Variants in ZNF311 observed in about 807,000 individuals in gnomAD.
ZNF311 encodes zinc finger protein 311.
ZNF311 carries 14 observed loss-of-function variants against 22.7 expected under a neutral mutation model. The ratio of observed to expected loss-of-function variants is 0.62; its 90% CI spans 0.41 to 0.96. The LOEUF (loss-of-function observed/expected upper bound fraction) is 0.96, where lower values mean the gene tolerates loss of function less well. Among genes scored for constraint, ZNF311 ranks in the 40% least tolerant of loss-of-function variants. The pLI, the probability that ZNF311 is intolerant of heterozygous loss-of-function variation, is 0.00. For missense variants in ZNF311, 731 were observed against 799.0 expected (o/e 0.91, Z 1.03); for synonymous variants, 250 against 275.3 (o/e 0.91, Z 0.91).
At chr6:29,001,056 A>G (rs1262633936) in intron 3 of ZNF311, among the ~76,000 whole-genome samples, 3 of 152,202 alleles carry the variant, frequency 2.0e-5, no homozygotes, top group South Asian at 2.1e-4. Context: ...GATTACAGGC[A>G]TGAGCCACCA....
chr6:29,002,744 C>T (rs530494787), intron 3 of ZNF311, among the ~76,000 whole-genome samples: 1 of 152,106 alleles, frequency 6.6e-6, no homozygotes, highest in Non-Finnish European at 1.5e-5. Flanking sequence ...CCTCAGCCTC[C>T]TGAGTAACTG....
chr6:29,003,734 G>C (rs1780775293), intron 2 of ZNF311, 140 bp from the exon 3 acceptor site: 1 of 1,397,200 alleles, frequency 7.2e-7, no homozygotes, highest in African/African-American at 1.4e-5. Context: ...AATGGACTCA[G>C]TTCCTAATAC....
At position 29,000,057 on chromosome 6, in the gene ZNF311, G is replaced by C. The variant is rs541873454; in HGVS notation, c.92-10C>G. 1.9e-6 allele frequency: 3 copies of C among 1,611,322 alleles called. No individual in the cohort carries two copies. The highest frequency in any genetic ancestry group is 2.2e-5 in the East Asian group (1 of 44,872). On this transcript the variant is annotated splice_polypyrimidine_tract_variant and intron_variant, in intron 3 of 6. Coordinates refer to ENST00000377179, the MANE Select transcript of ZNF311 (RefSeq NM_001382360.1). The stretch of plus-strand genomic sequence containing the variant: ...GGAGCAGGTAATAGAGCTGAGGGAA[G>C]ATAAGTAAGCCAAGAGTCAATATAG...
intron 3 of ZNF311, among the ~76,000 whole-genome samples, chr6:29,001,592 A>G (rs1032227210): frequency 6.6e-6 from 1 of 152,236 alleles, no homozygotes; most frequent in East Asian, 1.9e-4. Context: ...TCTTTTCCTT[A>G]TAACATTAAC....
Position 28,995,093 on chromosome 6 carries a change from A to G in ZNF311, c.1909T>C (p.Trp637Arg), listed in dbSNP as rs1469618442. Residue 637 changes from tryptophan (W) to arginine (R), a missense_variant, in exon 7 of 7, where the codon TGG becomes CGG. Trp to Arg is a moderately radical substitution (Grantham distance 101). Transcript: ENST00000377179. This position sits in a 1 kb window ranked among gnomAD's most constrained non-coding sequence, Gnocchi z 4.7. ...TGHKKRKHQV[W>R]STHELDGSRK... is the part of the protein sequence containing the mutation. ...CTCCCATCAAGTTCATGGGTACTCCATACTTGATGTTTTCTTTTCTTATGT... is the reference window on the plus strand; with the variant it reads ...CTCCCATCAAGTTCATGGGTACTCCGTACTTGATGTTTTCTTTTCTTATGT... 1 of 1,613,844 alleles carries G rather than the reference A, an allele frequency of 6.2e-7. No homozygotes were observed. The highest frequency in any genetic ancestry group is 8.5e-7 in the Non-Finnish European group (1 of 1,180,052).
At chr6:29,003,647 C>A (rs1375927590) in intron 2 of ZNF311, 53 bp from the exon 3 acceptor site, 2 of 1,590,396 alleles carry the variant, frequency 1.3e-6, no homozygotes, top group Non-Finnish European at 1.7e-6. Context: ...GAGAAAAATA[C>A]ATAGGAAGAT....
chr6:29,000,507 A>G (rs962786398), intron 3 of ZNF311, among the ~76,000 whole-genome samples: 1 of 152,208 alleles, frequency 6.6e-6, no homozygotes, highest in African/African-American at 2.4e-5. Context: ...GTTGAACAGA[A>G]GCATCCAGGG....
chr6:29,001,273 T>C (rs935114610), intron 3 of ZNF311, among the ~76,000 whole-genome samples: 5 of 152,234 alleles, frequency 3.3e-5, no homozygotes, highest in African/African-American at 4.8e-5. Context: ...GGTAAGATTT[T>C]ATAATCACCC....
intron 1 of ZNF311, among the ~76,000 whole-genome samples, chr6:29,004,442 CTTTTTTTTTTTTTTTTT>C (rs9280531): frequency 9.8e-5 from 3 of 30,604 alleles, no homozygotes; most frequent in Middle Eastern, 0.02. Flanking sequence ...TTCCTCCTTT[CTTTTTTTTTTTTTTTTT>C]TTTTTTTTTT....
rs892593751 is a variant in ZNF311 at position 28,996,049 on chromosome 6, A to G, written c.953T>C (p.Leu318Pro). The G allele has an allele frequency of 2.5e-6, 4 of 1,613,260 alleles. No individual in the cohort carries two copies. Among genetic ancestry groups the G allele is most frequent in the Admixed American group, 1.7e-5 (1 of 59,996 alleles). ...CGKAFNSRSA[L>P]CRHKKTHSGE... ...ACTGTGGGTTTTTTTATGTCGGCAA[A>G]GAGCTGATCTACTGTTGAAAGCCTT... Residue 318 changes from leucine to proline, a missense_variant, in exon 7 of 7, where the codon CTT (leucine) becomes CCT (proline). Transcript: ENST00000377179.
rs1049734762 is a variant in ZNF311, at chr6:28,999,719, G to A, written c.184-106C>T. Reference sequence around the variant, plus strand: ...AGGAGGAGGTTTATAGAAGTGAAAGGCTCTTCCCTTTTGGTGGGTATGTAC... The same window carrying A: ...AGGAGGAGGTTTATAGAAGTGAAAGACTCTTCCCTTTTGGTGGGTATGTAC... On this transcript the variant is annotated intron_variant, in intron 4 of 6. Coordinates refer to ENST00000377179, the MANE Select transcript of ZNF311 (RefSeq NM_001382360.1). 2.1e-6 allele frequency: 3 copies of A among 1,458,202 alleles called. No individual in the cohort carries two copies. In the South Asian group the frequency reaches 4.2e-5, roughly 20 times the overall value. 90.3% of individuals were successfully genotyped at this position (1,458,202 alleles called of 1,614,324 possible).
intron 1 of ZNF311, among the ~76,000 whole-genome samples, chr6:29,004,785 A>G: frequency 6.6e-6 from 1 of 151,528 alleles, no homozygotes. Context: ...AACACCTTCT[A>G]CTCTTCTCCC....
At position 28,995,990 on chromosome 6, in the gene ZNF311, TCC is replaced by T; in HGVS notation, c.1010_1011del (p.Gly337GlufsTer25). 6.2e-7 allele frequency: 1 copy of T among 1,613,732 alleles called. No homozygotes were observed. The highest frequency in any genetic ancestry group is 8.5e-7 in the Non-Finnish European group (1 of 1,180,034). On this transcript the variant is annotated frameshift_variant, in exon 7 of 7. Transcript: ENST00000377179. LOFTEE classifies it low-confidence loss of function (END_TRUNC). This position sits in a 1 kb window ranked among gnomAD's most constrained non-coding sequence, Gnocchi z 4.7. ...GEKPHECRDC[G>X]KAFKTRNRLC... ...AGACGGTTCCTGGTCTTGAAGGCCT[TCC>T]CACAGTCCCTGCACTCGTGAGGCTT...
At position 28,996,113 on chromosome 6, in the gene ZNF311, G is replaced by A; in HGVS notation, c.889C>T (p.His297Tyr). 6.2e-7 allele frequency: 1 copy of A among 1,613,278 alleles called. No homozygotes were observed. ...CAATTAAAAGGTTTCTCCCCTGTGT[G>A]GATTATCCGGTGCATAGAAAGCTGA... ...RNQLSMHRII[H>Y]TGEKPFNCTQ... The change falls in exon 7 of 7, where the codon CAC becomes TAC. Residue 297 changes from histidine to tyrosine, a missense_variant. Coordinates refer to ENST00000377179, the MANE Select transcript of ZNF311 (RefSeq NM_001382360.1).
chr6:29,000,060 A>C lies in ZNF311; in HGVS notation c.92-13T>G. The C allele has an allele frequency of 6.2e-7, 1 of 1,609,720 alleles. No individual in the cohort carries two copies. Among genetic ancestry groups the C allele is most frequent in the South Asian group, 1.1e-5 (1 of 90,052 alleles). On this transcript the variant is annotated splice_polypyrimidine_tract_variant and intron_variant, in intron 3 of 6. Transcript: ENST00000377179. ...GCAGGTAATAGAGCTGAGGGAAGAT[A>C]AGTAAGCCAAGAGTCAATATAGCAC...
Position 28,996,194 on chromosome 6 carries a change from A to C in ZNF311, c.808T>G (p.Ser270Ala), listed in dbSNP as rs770152008. ...SDLILHEQIH[S>A]GEKPHVCNEC... is the part of the protein sequence containing the mutation. ...TTACACACATGGGGTTTCTCACCAG[A>C]ATGAATTTGCTCATGGAGAATTAGA... is the stretch of plus-strand genomic sequence containing the variant. The change falls in exon 7 of 7, where the codon TCT becomes GCT. Residue 270 changes from serine (S) to alanine (A), a missense_variant. By Grantham distance (99) the Ser-to-Ala change is moderately conservative (BLOSUM62 1). Transcript: ENST00000377179. 14 of 1,613,414 alleles carry C rather than the reference A, an allele frequency of 8.7e-6. No individual in the cohort carries two copies. The highest frequency in any genetic ancestry group is 2.5e-6 in the Non-Finnish European group (3 of 1,180,050).
In ZNF311 at chr6:28,999,559, A is replaced by G; in HGVS notation, c.238T>C (p.Cys80Arg). 1 of 1,613,762 alleles carries G rather than the reference A, an allele frequency of 6.2e-7. No individual in the cohort carries two copies. The highest frequency in any genetic ancestry group is 2.2e-5 in the East Asian group (1 of 44,882). The change falls in exon 5 of 7, where the codon TGT becomes CGT. Residue 80 changes from cysteine (C) to arginine (R), a missense_variant. By Grantham distance (180) the Cys-to-Arg change is radical. Coordinates refer to ENST00000377179, the MANE Select transcript of ZNF311 (RefSeq NM_001382360.1). ...AGATGCCTTTGAGCGTAGGTCAGACACTGCCACTCCCTGTTAGTGAAGTTC... is the reference window on the plus strand; with the variant it reads ...AGATGCCTTTGAGCGTAGGTCAGACGCTGCCACTCCCTGTTAGTGAAGTTC... ...AVNFTNREWQCLTYAQRHLYK... is the reference protein window; with the variant it reads ...AVNFTNREWQRLTYAQRHLYK...
rs1450499814 is a variant in ZNF311, at chr6:29,003,545, G to A, written c.59C>T (p.Thr20Ile). The change falls in exon 3 of 7, where the codon ACC (threonine) becomes ATC (isoleucine). Residue 20 changes from threonine (T) to isoleucine (I), a missense_variant. Coordinates refer to ENST00000377179, the MANE Select transcript of ZNF311 (RefSeq NM_001382360.1). Reference sequence around the variant, plus strand: ...CTGAGGGAGCTGGGTATCCTGGCGGGTCCAAAGCAGCTGGCTTGGTGGTCC... The same window carrying A: ...CTGAGGGAGCTGGGTATCCTGGCGGATCCAAAGCAGCTGGCTTGGTGGTCC... The part of the protein sequence containing the change: ...SSGPPSQLLW[T>I]RQDTQLPQES... 1 of 1,612,880 alleles carries A rather than the reference G, an allele frequency of 6.2e-7. No individual in the cohort carries two copies. The highest frequency in any genetic ancestry group is 1.1e-5 in the South Asian group (1 of 91,078).
Position 28,999,528 on chromosome 6 carries a change from T to C in ZNF311, c.269A>G (p.Lys90Arg). 1 of 1,613,518 alleles carries C rather than the reference T, an allele frequency of 6.2e-7. No individual in the cohort carries two copies. Among genetic ancestry groups the C allele is most frequent in the Non-Finnish European group, 8.5e-7 (1 of 1,179,972 alleles). Residue 90 changes from lysine (K) to arginine (R), a missense_variant, in exon 5 of 7, where the codon AAG becomes AGG. Physicochemically the swap from Lys to Arg is conservative, Grantham distance 26. Transcript: ENST00000377179. ...CCCATAATTTTCCAACATCACATCC[T>C]TATAGAGATGCCTTTGAGCGTAGGT... ...CLTYAQRHLY[K>R]DVMLENYGNM... is the part of the protein sequence containing the mutation.
Sources: gnomAD v4.1 joint callset for allele counts (sites outside exome capture counted in the v4.1 genomes callset) on GRCh38, gnomAD v4.1.1 for gene constraint, Gnocchi (gnomAD v3.1) non-coding constraint, MANE v1.5 for transcripts, NCBI Gene and HGNC (gene_info 2026-07-23, HGNC 2026-07-21) for gene names.